COL4A5: variants seen among roughly 807,000 people sequenced by gnomAD.
The protein encoded by COL4A5 is collagen type IV alpha 5 chain.
COL4A5 carries 26 observed loss-of-function variants against 130.2 expected under a neutral mutation model. The observed-to-expected ratio is 0.20, with a 90% confidence interval of 0.15 to 0.28. The LOEUF (loss-of-function observed/expected upper bound fraction) is 0.28, where lower values mean the gene tolerates loss of function less well. Among genes scored for constraint, COL4A5 ranks in the 10% least tolerant of loss-of-function variants. The pLI, the probability that COL4A5 is intolerant of heterozygous loss-of-function variation, is 1.00. For missense variants in COL4A5, 1,131 were observed against 1,344.3 expected (o/e 0.84, Z 2.48); for synonymous variants, 496 against 439.6 (o/e 1.13, Z -1.60).
At chrX:108,663,721 A>G (rs1181725181) in intron 37 of COL4A5, among the ~76,000 whole-genome samples, 2 of 107,313 alleles carry the variant, frequency 1.9e-5, no homozygotes, top group East Asian at 5.9e-4. Flanking sequence ...CACATCCTGC[A>G]TACGTACCCC....
rs758660082 is a variant in COL4A5, at chrX:108,677,601, T to G, written c.3910T>G (p.Leu1304Val). 1.7e-6 allele frequency: 2 copies of G among 1,210,771 alleles called. No homozygotes were observed. The highest frequency in any genetic ancestry group is 3.5e-5 in the South Asian group (2 of 56,946). ...GQPGLPGLPGLKGDQGPPGLQ... is the reference protein window; with the variant it reads ...GQPGLPGLPGVKGDQGPPGLQ... ...ACCTGGGCTACCTGGCTTGCCTGGT[T>G]TGAAAGGAGATCAAGGACCACCAGG... Residue 1304 changes from leucine (L) to valine (V), a missense_variant, in exon 44 of 53, where the codon TTG (leucine) becomes GTG (valine). Leu to Val is a conservative substitution (Grantham distance 32). Coordinates refer to ENST00000328300, the MANE Select transcript of COL4A5 (RefSeq NM_033380.3).
At chrX:108,465,071 T>C (rs774011085) in intron 1 of COL4A5, among the ~76,000 whole-genome samples, 2 of 111,961 alleles carry the variant, frequency 1.8e-5, no homozygotes, top group Non-Finnish European at 3.8e-5. Context: ...TCCCTATCCC[T>C]GTACCCTGAA....
intron 2 of COL4A5, among the ~76,000 whole-genome samples, chrX:108,557,407 T>G (rs185640203): frequency 8.7e-4 from 97 of 112,053 alleles, no homozygotes; most frequent in African/African-American, 3.0e-3. Flanking sequence ...AACAAGGGGA[T>G]ATATGTCTAG....
chrX:108,575,962 C>T lies in COL4A5; in HGVS notation c.599C>T (p.Pro200Leu). ...IPGPIGPPGP[P>L]GLMGPPGPPG... ...GGGCCAATTGGTCCCCCAGGACCACCAGGTTTGATGGTAAGCTCTCTTCTT... is the reference window on the plus strand; with the variant it reads ...GGGCCAATTGGTCCCCCAGGACCACTAGGTTTGATGGTAAGCTCTCTTCTT... The change falls in exon 10 of 53, where the codon CCA becomes CTA. Residue 200 changes from proline to leucine, a missense_variant. By Grantham distance (98) the Pro-to-Leu change is moderately conservative. Coordinates refer to ENST00000328300, the MANE Select transcript of COL4A5 (RefSeq NM_033380.3). 8.5e-7 allele frequency: 1 copy of T among 1,178,096 alleles called. No individual in the cohort carries two copies. Among genetic ancestry groups the T allele is most frequent in the Non-Finnish European group, 1.2e-6 (1 of 866,941 alleles).
intron 1 of COL4A5, among the ~76,000 whole-genome samples, chrX:108,532,856 A>T (rs1439487940): frequency 2.7e-5 from 3 of 112,130 alleles, no homozygotes; most frequent in Non-Finnish European, 3.8e-5. Flanking sequence ...TCTACAAGGA[A>T]ACCTACAAAA....
intron 1 of COL4A5, among the ~76,000 whole-genome samples, chrX:108,531,389 A>AAAAAATAAAG (rs2065383936): frequency 7.4e-5 from 3 of 40,752 alleles, no homozygotes; most frequent in East Asian, 1.7e-3. Flanking sequence ...AAAAAATAAA[A>AAAAAATAAAG]TAAATAAATA....
intron 13 of COL4A5, 146 bp from the exon 14 acceptor site, chrX:108,580,387 T>G: frequency 1.8e-6 from 1 of 563,441 alleles, no homozygotes; most frequent in Non-Finnish European, 3.2e-6. Context: ...CTTAGGATTA[T>G]AGCCTCCAGC....
chrX:108,658,232 C>T (rs2067884056), intron 37 of COL4A5, among the ~76,000 whole-genome samples: 2 of 111,449 alleles, frequency 1.8e-5, no homozygotes, highest in African/African-American at 6.5e-5. Flanking sequence ...TTCTCCTTTA[C>T]TCTTGATATA....
chrX:108,566,547 T>C (rs772471836), intron 4 of COL4A5, among the ~76,000 whole-genome samples: 129 of 110,886 alleles, frequency 1.2e-3, no homozygotes, highest in African/African-American at 3.3e-3. Flanking sequence ...GGTTTTTTTT[T>C]TTTCTTTCTT....
intron 21 of COL4A5, among the ~76,000 whole-genome samples, chrX:108,592,745 C>T (rs1454115438): frequency 1.7e-4 from 18 of 103,937 alleles, no homozygotes; most frequent in Admixed American, 7.3e-4. Context: ...TTTTTTCATT[C>T]CTCTGTGGTG....
intron 20 of COL4A5, 118 bp from the exon 21 acceptor site, chrX:108,591,443 T>A: frequency 2.9e-6 from 2 of 679,329 alleles, no homozygotes; most frequent in Non-Finnish European, 4.7e-6. Context: ...TTCCTTTTGC[T>A]TATAGGTACT....
At chrX:108,510,995 TCTTC>T (rs2065174808) in intron 1 of COL4A5, among the ~76,000 whole-genome samples, 1 of 111,558 alleles carries the variant, frequency 9.0e-6, no homozygotes, top group Non-Finnish European at 1.9e-5. Context: ...ATATACAATA[TCTTC>T]CTTCTAGCTA....
At position 108,655,423 on chromosome X, in the gene COL4A5, A is replaced by C. The variant is rs2067821295; in HGVS notation, c.3339A>C (p.Gly1113=). ...TGCCCGGATTACCAGGAACCCCTGG[A>C]GCAAAAGGACAACCAGGCCTTCCTG... ...PGLPGLPGTP[G]AKGQPGLPGF... is the part of the protein sequence containing the mutation. Residue 1113 remains glycine (G), a synonymous_variant, in exon 37 of 53, where the codon GGA becomes GGC. Coordinates refer to ENST00000328300, the MANE Select transcript of COL4A5 (RefSeq NM_033380.3). 2 of 1,209,630 alleles carry C rather than the reference A, an allele frequency of 1.7e-6. No individual in the cohort carries two copies. The highest frequency in any genetic ancestry group is 1.1e-6 in the Non-Finnish European group (1 of 895,069).
At chrX:108,658,853 T>G (rs1417126691) in intron 37 of COL4A5, among the ~76,000 whole-genome samples, 3 of 111,393 alleles carry the variant, frequency 2.7e-5, no homozygotes, top group Non-Finnish European at 5.7e-5. Context: ...AAATTAACTT[T>G]CGTAAGTGAT....
At chrX:108,630,907 A>G (rs1418655849) in intron 36 of COL4A5, among the ~76,000 whole-genome samples, 1 of 112,384 alleles carries the variant, frequency 8.9e-6, no homozygotes, top group Non-Finnish European at 1.9e-5. Context: ...TTTATTAAAT[A>G]GGAAATACTT....
chrX:108,562,881 G>T (rs2065916029), intron 3 of COL4A5, among the ~76,000 whole-genome samples: 1 of 111,556 alleles, frequency 9.0e-6, no homozygotes, highest in African/African-American at 3.3e-5. Flanking sequence ...GGTATACAAT[G>T]AAAGATCTCC....
chrX:108,473,869 T>A (rs1202650966), intron 1 of COL4A5, among the ~76,000 whole-genome samples: 1 of 107,198 alleles, frequency 9.3e-6, no homozygotes, highest in Admixed American at 1.0e-4. Context: ...TGACCTCAAG[T>A]GATCTGCCTG....
In COL4A5 at chrX:108,686,069, C is replaced by T. The variant is rs1438480022; in HGVS notation, c.4255C>T (p.Leu1419Phe). 8.3e-7 allele frequency: 1 copy of T among 1,209,313 alleles called. No homozygotes were observed. The highest frequency in any genetic ancestry group is 1.8e-5 in the African/African-American group (1 of 57,045). ...TCCAGGAGATCCTGGACGCAATGGA[C>T]TCCCTGGCTTTGATGGTGCAGGAGG... Reference protein sequence around the residue: ...GPPGDPGRNGLPGFDGAGGRK... With the variant: ...GPPGDPGRNGFPGFDGAGGRK... Residue 1419 changes from leucine to phenylalanine, a missense_variant, in exon 48 of 53, where the codon CTC (leucine) becomes TTC (phenylalanine). Transcript: ENST00000328300.
chrX:108,468,000 C>T (rs1009605904), intron 1 of COL4A5, among the ~76,000 whole-genome samples: 1 of 111,508 alleles, frequency 9.0e-6, no homozygotes. Context: ...GGAATGTTTG[C>T]ATATACATAA....
Sources: allele counts gnomAD v4.1 joint callset (sites outside exome capture counted in the v4.1 genomes callset), GRCh38; gene constraint gnomAD v4.1.1; transcripts MANE v1.5; gene names NCBI Gene and HGNC (gene_info 2026-07-23, HGNC 2026-07-21).